Variants in ZNF74 observed in about 807,000 individuals in gnomAD.
The protein encoded by ZNF74 is zinc finger protein 520.
In ZNF74, 12 loss-of-function variants were observed where a neutral mutation model predicts 17.7. The ratio of observed to expected loss-of-function variants is 0.68; its 90% CI spans 0.43 to 1.10. The LOEUF is 1.10. ZNF74 is among the 50% of genes least tolerant of loss of function. The pLI is 0.00. For missense variants in ZNF74, 811 were observed against 881.0 expected, an observed-to-expected ratio of 0.92 and a Z score of 1.01; for synonymous variants, 358 against 362.1, an observed-to-expected ratio of 0.99 and a Z score of 0.13.
At position 20,407,159 on chromosome 22, in the gene ZNF74, C is replaced by G. The variant is rs2052441978; in HGVS notation, c.*191C>G. Reference sequence around the variant, plus strand: ...CAGTCACCTCCCCAGAAGGGCCACACTCCAGGAGGAGTGTTGAGAGTCATT... The same window carrying G: ...CAGTCACCTCCCCAGAAGGGCCACAGTCCAGGAGGAGTGTTGAGAGTCATT... On this transcript the variant is annotated 3_prime_UTR_variant, in exon 5 of 5. Transcript: ENST00000400451. 7.4e-6 allele frequency: 6 copies of G among 811,100 alleles called. No homozygotes were observed. In the East Asian group the frequency reaches 1.4e-4, roughly 19 times the overall value. 50.2% of individuals were successfully genotyped at this position (811,100 alleles called of 1,614,324 possible). A position where few individuals can be genotyped will look rare whatever the true frequency, so the allele number is the denominator to read the frequency against.
rs1173875474 is a variant in ZNF74 at position 20,407,790 on chromosome 22, T to G, written c.*822T>G. 1 of 152,250 alleles carries G rather than the reference T, an allele frequency of 6.6e-6. No individual in the cohort carries two copies. Among genetic ancestry groups the G allele is most frequent in the African/African-American group, 2.4e-5 (1 of 41,458 alleles). 9.4% of individuals were successfully genotyped at this position (152,250 alleles called of 1,614,324 possible). A position where few individuals can be genotyped will look rare whatever the true frequency, so the allele number is the denominator to read the frequency against. On this transcript the variant is annotated 3_prime_UTR_variant, in exon 5 of 5. Coordinates refer to ENST00000400451, the MANE Select transcript of ZNF74 (RefSeq NM_003426.4). ...ACTTAACTCATGTAAATAGCTCTAC[T>G]GCAGAGCTGTGTGTTTAGTGACAGT...
chr22:20,394,403 G>C lies in ZNF74; in HGVS notation c.-226G>C. 3.1e-6 allele frequency: 2 copies of C among 649,532 alleles called. No individual in the cohort carries two copies. The highest frequency in any genetic ancestry group is 2.8e-6 in the Non-Finnish European group (1 of 356,292). The allele number at this position is 649,532 out of a possible 1,614,324, so 40.2% of individuals were successfully genotyped here. ...GTGCGCCGAGCATGGGGCTGAGCCTGGTGTGGGGAGTGGGTATCTGCGGAG... is the reference window on the plus strand; with the variant it reads ...GTGCGCCGAGCATGGGGCTGAGCCTCGTGTGGGGAGTGGGTATCTGCGGAG... On this transcript the variant is annotated 5_prime_UTR_variant, in exon 1 of 5. Coordinates refer to ENST00000400451, the MANE Select transcript of ZNF74 (RefSeq NM_003426.4).
intron 2 of ZNF74, 92 bp from the exon 3 acceptor site, chr22:20,400,540 C>A: frequency 1.3e-6 from 2 of 1,527,356 alleles, no homozygotes; most frequent in South Asian, 2.2e-5. Context: ...TGAGGTTAAC[C>A]CTTTACTTGT....
intron 2 of ZNF74, 157 bp from the exon 3 acceptor site, chr22:20,400,475 A>G: frequency 1.3e-6 from 1 of 794,672 alleles, no homozygotes; most frequent in East Asian, 2.6e-5. Flanking sequence ...TGGTCCCCGA[A>G]TTCAGTCATG....
rs2052360925 is a variant in ZNF74 at position 20,401,784 on chromosome 22, CAGCATCAGTGTCAGGGCCAGCGTG to C, written c.343+421_343+444del. ...CCAGCGTCAGCGTCAGGGTCAGAGC[CAGCATCAGTGTCAGGGCCAGCGTG>C]AGCATCAGCATCAGGGCCAGTGTGA... On this transcript the variant is annotated intron_variant, in intron 4 of 4. Transcript: ENST00000400451. The surrounding 1 kb of genome is among the most constrained non-coding windows in gnomAD (Gnocchi z 4.2). Among the ~76,000 whole-genome samples the C allele has an allele frequency of 6.6e-6, 1 of 152,040 alleles. No individual in the cohort carries two copies. The highest frequency in any genetic ancestry group is 1.5e-5 in the Non-Finnish European group (1 of 68,008).
At position 20,394,339 on chromosome 22, in the gene ZNF74, GC is replaced by G. The variant is rs1569089820; in HGVS notation, c.-288del. 1.4e-6 allele frequency: 1 copy of G among 695,150 alleles called. No homozygotes were observed. The highest frequency in any genetic ancestry group is 2.7e-5 in the East Asian group (1 of 36,548). The allele number at this position is 695,150 out of a possible 1,614,324, so 43.1% of individuals were successfully genotyped here. On this transcript the variant is annotated 5_prime_UTR_variant, in exon 1 of 5. The change abolishes the stop of an existing upstream ORF in the 5' untranslated region. Coordinates refer to ENST00000400451, the MANE Select transcript of ZNF74 (RefSeq NM_003426.4). The stretch of plus-strand genomic sequence containing the variant: ...GGCCCTGGTCTCCGAGCGCGGGTTC[GC>G]CGGGAGGAGCGTGTGGCGGGGGTGT...
At position 20,406,800 on chromosome 22, in the gene ZNF74, CA is replaced by C. The variant is rs1287300972; in HGVS notation, c.1770del (p.Lys590AsnfsTer21). On this transcript the variant is annotated frameshift_variant, in exon 5 of 5. Coordinates refer to ENST00000400451, the MANE Select transcript of ZNF74 (RefSeq NM_003426.4). LOFTEE classifies it low-confidence loss of function (END_TRUNC). ...GGAAGCCCTTGGCCATCCAGTTCAA[CA>C]AACACCTGCTCAGCACATACTACGT... Reference protein sequence around the residue: ...EGKPLAIQFNKHLLSTYYVPG... With the variant: ...EGKPLAIQFNXHLLSTYYVPG... 6.2e-7 allele frequency: 1 copy of C among 1,614,126 alleles called. No individual in the cohort carries two copies. The highest frequency in any genetic ancestry group is 8.5e-7 in the Non-Finnish European group (1 of 1,180,038).
chr22:20,394,464 G>A lies in ZNF74; in HGVS notation c.-165G>A. 1 of 679,622 alleles carries A rather than the reference G, an allele frequency of 1.5e-6. No individual in the cohort carries two copies. The highest frequency in any genetic ancestry group is 2.5e-6 in the Non-Finnish European group (1 of 393,348). The allele number at this position is 679,622 out of a possible 1,614,324, so 42.1% of individuals were successfully genotyped here. A position where few individuals can be genotyped will look rare whatever the true frequency, so the allele number is the denominator to read the frequency against. ...CCCCACCTCAGCCGGGCGCGGGGAG[G>A]GGGCTCCGTGCGTGTGATCGTGCAG... is the stretch of plus-strand genomic sequence containing the variant. On this transcript the variant is annotated 5_prime_UTR_variant, in exon 1 of 5. Coordinates refer to ENST00000400451, the MANE Select transcript of ZNF74 (RefSeq NM_003426.4).
chr22:20,401,076 T>A lies in ZNF74; in HGVS notation c.248-201T>A, dbSNP rs549157888. The A allele has an allele frequency of 1.5e-5, 9 of 596,326 alleles. No homozygotes were observed. The South Asian group carries it at 1.6e-4, about 11-fold the overall frequency. 36.9% of individuals were successfully genotyped at this position (596,326 alleles called of 1,614,324 possible). ...GTCCTCAAGCAATGAAGTAAGGACG[T>A]CAGCACACGTGGGGTCTTCAGAGTA... is the stretch of plus-strand genomic sequence containing the variant. On this transcript the variant is annotated intron_variant, in intron 3 of 4. Coordinates refer to ENST00000400451, the MANE Select transcript of ZNF74 (RefSeq NM_003426.4). The surrounding 1 kb of genome is among the most constrained non-coding windows in gnomAD (Gnocchi z 4.2).
intron 2 of ZNF74, among the ~76,000 whole-genome samples, chr22:20,398,298 C>T (rs2052318266): frequency 6.9e-6 from 1 of 144,910 alleles, no homozygotes; most frequent in East Asian, 2.0e-4. Context: ...GCCTGGGTGA[C>T]AGAGTGAGAC....
In ZNF74 at chr22:20,401,795, T is replaced by A. The variant is rs2052361203; in HGVS notation, c.343+423T>A. Reference sequence around the variant, plus strand: ...GTCAGGGTCAGAGCCAGCATCAGTGTCAGGGCCAGCGTGAGCATCAGCATC... The same window carrying A: ...GTCAGGGTCAGAGCCAGCATCAGTGACAGGGCCAGCGTGAGCATCAGCATC... On this transcript the variant is annotated intron_variant, in intron 4 of 4. Transcript: ENST00000400451. The surrounding 1 kb of genome is among the most constrained non-coding windows in gnomAD (Gnocchi z 4.2). 6.6e-6 allele frequency among the ~76,000 whole-genome samples: 1 copy of A among 151,982 alleles called. No individual in the cohort carries two copies. Among genetic ancestry groups the A allele is most frequent in the South Asian group, 2.1e-4 (1 of 4,808 alleles).
At chr22:20,403,518 A>G (rs775562532) in intron 4 of ZNF74, among the ~76,000 whole-genome samples, 1 of 151,466 alleles carries the variant, frequency 6.6e-6, no homozygotes, top group Non-Finnish European at 1.5e-5. Flanking sequence ...TGAAGTTGCC[A>G]TTTTTCACCT....
In ZNF74 at chr22:20,401,462, C is replaced by T; in HGVS notation, c.343+90C>T. On this transcript the variant is annotated intron_variant, in intron 4 of 4. Transcript: ENST00000400451. This position sits in a 1 kb window ranked among gnomAD's most constrained non-coding sequence, Gnocchi z 4.2. ...CCCCTATTTTCCTCCCTCAGTTTGC[C>T]CCGGCTCCATCTCCCCTTTTCAGGT... 3.5e-6 allele frequency: 3 copies of T among 858,242 alleles called. No homozygotes were observed. The allele number at this position is 858,242 out of a possible 1,614,324, so 53.2% of individuals were successfully genotyped here.
chr22:20,399,811 C>A, intron 2 of ZNF74: 1 of 195,508 alleles, frequency 5.1e-6, no homozygotes, highest in Non-Finnish European at 1.1e-5. Flanking sequence ...CCCTTAATGA[C>A]TTCTTTTGAG....
intron 4 of ZNF74, among the ~76,000 whole-genome samples, 163 bp from the exon 5 acceptor site, chr22:20,405,214 C>T (rs2052399805): frequency 6.6e-6 from 1 of 152,228 alleles, no homozygotes; most frequent in South Asian, 2.1e-4. Flanking sequence ...TTGCCCATCT[C>T]ATCCTGGGCG....
chr22:20,405,391 G>T lies in ZNF74; in HGVS notation c.358G>T (p.Ala120Ser). Reference protein sequence around the residue: ...RGPCPEWELKAVPSQQQGICK... With the variant: ...RGPCPEWELKSVPSQQQGICK... ...ATATCTTACAGAATGGGAGCTGAAG[G>T]CGGTGCCCTCTCAACAGCAGGGCAT... Residue 120 changes from alanine (A) to serine (S), a missense_variant, in exon 5 of 5, where the codon GCG becomes TCG. By Grantham distance (99) the Ala-to-Ser change is moderately conservative. Around this residue, in one of 3 missense-constraint regions of ZNF74, gnomAD observed 666 missense variants for 702.3 expected, o/e 0.95. Coordinates refer to ENST00000400451, the MANE Select transcript of ZNF74 (RefSeq NM_003426.4). The T allele has an allele frequency of 6.2e-7, 1 of 1,607,448 alleles. No homozygotes were observed.
chr22:20,401,360 G>A lies in ZNF74; in HGVS notation c.331G>A (p.Gly111Arg), dbSNP rs2052355570. The change falls in exon 4 of 5, where the codon GGG (glycine) becomes AGG (arginine). Residue 111 changes from glycine to arginine, a missense_variant. By Grantham distance (125) the Gly-to-Arg change is moderately radical (BLOSUM62 -2). This residue lies in a region of ZNF74 where 666 missense variants were observed against 702.3 expected (regional missense o/e 0.95). Coordinates refer to ENST00000400451, the MANE Select transcript of ZNF74 (RefSeq NM_003426.4). This position sits in a 1 kb window ranked among gnomAD's most constrained non-coding sequence, Gnocchi z 4.2. ...PWSMQREVPR[G>R]PCPEWELKAV... ...GAGCATGCAGAGGGAAGTCCCCAGA[G>A]GGCCCTGTCCAGGTGAGCAGAGGCA... 1 of 1,606,248 alleles carries A rather than the reference G, an allele frequency of 6.2e-7. No homozygotes were observed. Among genetic ancestry groups the A allele is most frequent in the African/African-American group, 1.3e-5 (1 of 74,746 alleles).
Position 20,394,395 on chromosome 22 carries a change from C to A in ZNF74, c.-234C>A. 3.0e-6 allele frequency: 2 copies of A among 662,638 alleles called. No homozygotes were observed. The highest frequency in any genetic ancestry group is 5.5e-6 in the Non-Finnish European group (2 of 362,730). 41.0% of individuals were successfully genotyped at this position (662,638 alleles called of 1,614,324 possible). On this transcript the variant is annotated 5_prime_UTR_variant, in exon 1 of 5. In the 5' UTR this introduces an upstream ATG that the reference lacks. Coordinates refer to ENST00000400451, the MANE Select transcript of ZNF74 (RefSeq NM_003426.4). ...GGGCGTGAGTGCGCCGAGCATGGGG[C>A]TGAGCCTGGTGTGGGGAGTGGGTAT...
In ZNF74 at chr22:20,401,399, G is replaced by A; in HGVS notation, c.343+27G>A. 1.4e-6 allele frequency: 2 copies of A among 1,470,984 alleles called. No homozygotes were observed. Among genetic ancestry groups the A allele is most frequent in the Non-Finnish European group, 1.9e-6 (2 of 1,065,880 alleles). 91.1% of individuals were successfully genotyped at this position (1,470,984 alleles called of 1,614,324 possible). ...TGAGCAGAGGCACAGGTGGAAGGGT[G>A]CCAGCCCCAGCACCCCTGGTGGCAC... On this transcript the variant is annotated intron_variant, in intron 4 of 4. Transcript: ENST00000400451. The surrounding 1 kb of genome is among the most constrained non-coding windows in gnomAD (Gnocchi z 4.2).
Sources: gnomAD v4.1 joint callset for allele counts (sites outside exome capture counted in the v4.1 genomes callset) on GRCh38, gnomAD v4.1.1 for gene constraint, gnomAD v4.1.1 regional missense constraint, Gnocchi (gnomAD v3.1) non-coding constraint, MANE v1.5 for transcripts, NCBI Gene and HGNC (gene_info 2026-07-23, HGNC 2026-07-21) for gene names.